Variants in CAPN3 observed in about 807,000 individuals in gnomAD.
The protein encoded by CAPN3 is calpain 3, also known as calpain-3.
Under a neutral mutation model 114.0 loss-of-function variants are expected in CAPN3, and 88 were observed. The observed-to-expected ratio is 0.77, with a 90% CI of 0.65 to 0.92. The LOEUF (loss-of-function observed/expected upper bound fraction) is 0.92, where lower values mean the gene tolerates loss of function less well. Among genes scored for constraint, CAPN3 ranks in the 40% least tolerant of loss-of-function variants. CAPN3 has a pLI of 0.00. For synonymous variants in CAPN3, 386 were observed against 382.9 expected, an observed-to-expected ratio of 1.01 and a Z score of -0.09; for missense variants, 1,028 against 1,069.0, an observed-to-expected ratio of 0.96 and a Z score of 0.53.
Position 42,384,338 on chromosome 15 carries a change from G to C in CAPN3, c.310-145G>C, listed in dbSNP as rs761217215. Reference sequence around the variant, plus strand: ...GAGGCAGGAGAATCACTTGAACCCCGGAGGCAGAGGTTTCAGTGAGCCAAG... The same window carrying C: ...GAGGCAGGAGAATCACTTGAACCCCCGAGGCAGAGGTTTCAGTGAGCCAAG... On this transcript the variant is annotated intron_variant, in intron 1 of 23. Coordinates refer to ENST00000397163, the MANE Select transcript of CAPN3 (RefSeq NM_000070.3). The C allele has an allele frequency of 5.9e-6, 4 of 681,746 alleles. 1 individual carries two copies. The East Asian group carries it at 1.1e-4, about 19-fold the overall frequency. The allele number at this position is 681,746 out of a possible 1,614,324, so 42.2% of individuals were successfully genotyped here. A position where few individuals can be genotyped will look rare whatever the true frequency, so the allele number is the denominator to read the frequency against.
chr15:42,401,841 A>C (rs2053881983), intron 11 of CAPN3, 31 bp downstream of exon 11: 2 of 1,602,016 alleles, frequency 1.2e-6, no homozygotes, highest in African/African-American at 2.7e-5. Flanking sequence ...CCAGCCCAGG[A>C]AACATACTTT....
chr15:42,376,654 C>A (rs370345600), intron 1 of CAPN3, among the ~76,000 whole-genome samples: 1 of 151,884 alleles, frequency 6.6e-6, no homozygotes, highest in South Asian at 2.1e-4. Flanking sequence ...CCAAGGAGCA[C>A]TGGTTTCTTT....
chr15:42,392,785 A>T, intron 7 of CAPN3, 63 bp downstream of exon 7: 1 of 1,419,370 alleles, frequency 7.0e-7, no homozygotes, highest in Non-Finnish European at 9.9e-7. Flanking sequence ...TGAAGTCAGG[A>T]CTTAGCTGTT....
chr15:42,362,643 T>C (rs2052675103), intron 1 of CAPN3, among the ~76,000 whole-genome samples: 1 of 152,132 alleles, frequency 6.6e-6, no homozygotes, highest in African/African-American at 2.4e-5. Context: ...AATATAAAAT[T>C]AGAGATGGTC....
chr15:42,377,499 A>G (rs950209795), intron 1 of CAPN3, among the ~76,000 whole-genome samples: 1 of 152,166 alleles, frequency 6.6e-6, no homozygotes, highest in African/African-American at 2.4e-5. Context: ...TGAATGTTGA[A>G]CAAACCTTGT....
intron 7 of CAPN3, 45 bp from the exon 8 acceptor site, chr15:42,394,211 T>C: frequency 2.0e-6 from 3 of 1,522,038 alleles, no homozygotes; most frequent in Non-Finnish European, 2.7e-6. Flanking sequence ...AGATTCCCTT[T>C]CCAGAGAGGC....
At chr15:42,386,366 T>C in intron 3 of CAPN3, 81 bp downstream of exon 3, 2 of 963,862 alleles carry the variant, frequency 2.1e-6, no homozygotes, top group South Asian at 2.6e-5. Flanking sequence ...TCCCAGAAGC[T>C]GGAGGAAACT....
Position 42,399,665 on chromosome 15 carries a change from C to G in CAPN3, c.1354+13C>G. The G allele has an allele frequency of 1.3e-6, 2 of 1,588,536 alleles. No individual in the cohort carries two copies. The highest frequency in any genetic ancestry group is 1.7e-6 in the Non-Finnish European group (2 of 1,166,020). Reference sequence around the variant, plus strand: ...CGCAACTTCCCAGGTGGGAGATGCTCTTGATGGGGGGAGGGTCTAAGCCGA... The same window carrying G: ...CGCAACTTCCCAGGTGGGAGATGCTGTTGATGGGGGGAGGGTCTAAGCCGA... On this transcript the variant is annotated intron_variant, in intron 10 of 23. Transcript: ENST00000397163.
rs886042478 is a variant in CAPN3 at position 42,360,050 on chromosome 15, C to T, written c.245C>T (p.Pro82Leu). 1.5e-5 allele frequency: 24 copies of T among 1,614,192 alleles called. No individual in the cohort carries two copies. Among genetic ancestry groups the T allele is most frequent in the African/African-American group, 2.7e-5 (2 of 75,054 alleles). Residue 82 changes from proline to leucine, a missense_variant, in exon 1 of 24, where the codon CCG (proline) becomes CTG (leucine). Pro to Leu is a moderately conservative substitution (Grantham distance 98). Coordinates refer to ENST00000397163, the MANE Select transcript of CAPN3 (RefSeq NM_000070.3). ...CTTTATGTGGACCCTGAGTTCCCAC[C>T]GGATGAGACCTCTCTCTTTTATAGC... ...KVLYVDPEFP[P>L]DETSLFYSQK...
At chr15:42,404,665 T>A (rs2053969365) in intron 14 of CAPN3, 2 of 1,188,342 alleles carry the variant, frequency 1.7e-6, no homozygotes, top group African/African-American at 3.2e-5. Context: ...GTGACTGCCT[T>A]GGGGCTTTGG....
intron 1 of CAPN3, among the ~76,000 whole-genome samples, chr15:42,377,586 A>C (rs1286387896): frequency 6.6e-6 from 1 of 151,988 alleles, no homozygotes; most frequent in Non-Finnish European, 1.5e-5. Context: ...TTTGTTGAGG[A>C]TTTTGCTTCT....
chr15:42,384,021 G>A (rs1333871909), intron 1 of CAPN3, among the ~76,000 whole-genome samples: 4 of 152,156 alleles, frequency 2.6e-5, no homozygotes, highest in Non-Finnish European at 5.9e-5. Context: ...ACCTCTCTGG[G>A]CCTCAGTTTC....
chr15:42,404,567 C>G (rs1294800372), intron 14 of CAPN3, among the ~76,000 whole-genome samples: 1 of 152,234 alleles, frequency 6.6e-6, no homozygotes, highest in African/African-American at 2.4e-5. Flanking sequence ...TTCCGCACCT[C>G]CACGCTGAGG....
chr15:42,367,742 A>G (rs2052825342), intron 1 of CAPN3, among the ~76,000 whole-genome samples: 1 of 152,194 alleles, frequency 6.6e-6, no homozygotes, highest in Non-Finnish European at 1.5e-5. Context: ...GTGCAAATGT[A>G]ATATATTTTC....
chr15:42,393,666 T>C lies in CAPN3; in HGVS notation c.1030-590T>C, dbSNP rs554355883. Among the ~76,000 whole-genome samples, 20 of 150,848 alleles carry C rather than the reference T, an allele frequency of 1.3e-4. 1 individual carries two copies. In the East Asian group the frequency reaches 3.9e-3, roughly 29 times the overall value. On this transcript the variant is annotated intron_variant, in intron 7 of 23. Coordinates refer to ENST00000397163, the MANE Select transcript of CAPN3 (RefSeq NM_000070.3). ...TGGAGTGTAGTGGCACAGTCTCGGCTCACTGCAATGTCCGCCTCCTGGATT... is the reference window on the plus strand; with the variant it reads ...TGGAGTGTAGTGGCACAGTCTCGGCCCACTGCAATGTCCGCCTCCTGGATT...
chr15:42,403,263 A>G (rs1174404379), intron 13 of CAPN3, among the ~76,000 whole-genome samples: 1 of 152,262 alleles, frequency 6.6e-6, no homozygotes, highest in Non-Finnish European at 1.5e-5. Context: ...ATGGAGCTTA[A>G]TATTCTAACA....
rs28364455 is a variant in CAPN3 at position 42,394,239 on chromosome 15, C to CT, written c.1030-14dup. The CT allele has an allele frequency of 6.4e-7, 1 of 1,552,650 alleles. No individual in the cohort carries two copies. Among genetic ancestry groups the CT allele is most frequent in the East Asian group, 2.4e-5 (1 of 41,092 alleles). On this transcript the variant is annotated splice_polypyrimidine_tract_variant and intron_variant, in intron 7 of 23. Transcript: ENST00000397163. ...AGAGAGGCTGCAGAGCATGAGAGCT[C>CT]TTTCTGTGTGCTTAAGGTCCCGTTC... is the stretch of plus-strand genomic sequence containing the variant.
At chr15:42,370,162 T>C (rs114507770) in intron 1 of CAPN3, among the ~76,000 whole-genome samples, 7,937 of 152,104 alleles carry the variant, frequency 0.052, 623 homozygotes, top group African/African-American at 0.17. Flanking sequence ...CGTGAGTCAC[T>C]GCGCCTGGTC....
At chr15:42,411,094 G>A in intron 22 of CAPN3, 94 bp downstream of exon 22, 1 of 1,153,512 alleles carries the variant, frequency 8.7e-7, no homozygotes, top group Non-Finnish European at 1.3e-6. Context: ...GCTCCATCCA[G>A]GCTGAACAAG....
Sources: allele counts gnomAD v4.1 joint callset (sites outside exome capture counted in the v4.1 genomes callset), GRCh38; gene constraint gnomAD v4.1.1; transcripts MANE v1.5; gene names NCBI Gene and HGNC (gene_info 2026-07-23, HGNC 2026-07-21).